The following NIM1K variants were observed in gnomAD, a reference collection of about 807,000 sequenced individuals.
NIM1K encodes the protein NIM1 serine/threonine protein kinase.
Under a neutral mutation model 37.1 loss-of-function variants are expected in NIM1K, and 35 were observed. The observed-to-expected ratio is 0.94, with a 90% CI of 0.72 to 1.25. The LOEUF is 1.25. Ranked by LOEUF, NIM1K falls within the 50% of genes most tolerant of loss-of-function variation. NIM1K has a pLI of 0.00. For synonymous variants in NIM1K, 234 were observed against 206.6 expected, an observed-to-expected ratio of 1.13 and a Z score of -1.14; for missense variants, 564 against 548.0, an observed-to-expected ratio of 1.03 and a Z score of -0.29.
intron 1 of NIM1K, among the ~76,000 whole-genome samples, chr5:43,222,536 C>T (rs1451611299): frequency 6.6e-6 from 1 of 151,948 alleles, no homozygotes; most frequent in Non-Finnish European, 1.5e-5. Context: ...AAAGTCAATA[C>T]TGGGCAACAC....
chr5:43,219,106 G>A (rs894796870), intron 1 of NIM1K, among the ~76,000 whole-genome samples: 2 of 152,082 alleles, frequency 1.3e-5, no homozygotes, highest in African/African-American at 4.8e-5. Context: ...GGACATGTTC[G>A]CTTCCCCTTC....
At chr5:43,210,884 C>T (rs1432111344) in intron 1 of NIM1K, among the ~76,000 whole-genome samples, 19 of 152,144 alleles carry the variant, frequency 1.2e-4, no homozygotes, top group Admixed American at 3.9e-4. Flanking sequence ...AGAATGGGGA[C>T]TTGGAGCTGG....
chr5:43,245,819 A>C lies in NIM1K; in HGVS notation c.44A>C (p.His15Pro). The C allele has an allele frequency of 6.2e-7, 1 of 1,612,652 alleles. No homozygotes were observed. Among genetic ancestry groups the C allele is most frequent in the East Asian group, 2.2e-5 (1 of 44,846 alleles). ...YMNGGGLVNPHYARWDRRDSV... is the reference protein window; with the variant it reads ...YMNGGGLVNPPYARWDRRDSV... ...AATGGAGGTGGCCTGGTGAACCCCC[A>C]CTATGCCCGGTGGGATCGGCGCGAC... The change falls in exon 2 of 4, where the codon CAC becomes CCC. Residue 15 changes from histidine (H) to proline (P), a missense_variant. Physicochemically the swap from His to Pro is moderately conservative, Grantham distance 77. Transcript: ENST00000326035.
chr5:43,214,025 G>C (rs1579959733), intron 1 of NIM1K, among the ~76,000 whole-genome samples: 1 of 130,298 alleles, frequency 7.7e-6, no homozygotes, highest in African/African-American at 2.9e-5. Context: ...GGCTGGTCTT[G>C]AACACCTGGC....
At chr5:43,213,222 T>TTTCTTTCTTTCC (rs1279499644) in intron 1 of NIM1K, among the ~76,000 whole-genome samples, 33 of 140,288 alleles carry the variant, frequency 2.4e-4, no homozygotes, top group African/African-American at 7.9e-4. Flanking sequence ...TCTTTCTTTC[T>TTTCTTTCTTTCC]TTCCTTCTTT....
At chr5:43,199,345 G>A (rs931235523) in intron 1 of NIM1K, among the ~76,000 whole-genome samples, 3 of 150,930 alleles carry the variant, frequency 2.0e-5, no homozygotes, top group Admixed American at 6.6e-5. Context: ...AGTTAGGTAC[G>A]CTTTGGCCTG....
intron 1 of NIM1K, among the ~76,000 whole-genome samples, chr5:43,224,354 T>A (rs1357250219): frequency 6.6e-6 from 1 of 151,522 alleles, no homozygotes; most frequent in Non-Finnish European, 1.5e-5. Context: ...GGCAGGAGAA[T>A]CGCTTGAACC....
intron 1 of NIM1K, among the ~76,000 whole-genome samples, chr5:43,217,057 A>G (rs1752310164): frequency 4.6e-5 from 7 of 152,230 alleles, no homozygotes; most frequent in Admixed American, 4.6e-4. Flanking sequence ...TTGTGCATAC[A>G]CCACTACTAT....
chr5:43,221,942 G>C (rs900625550), intron 1 of NIM1K, among the ~76,000 whole-genome samples: 2 of 152,344 alleles, frequency 1.3e-5, no homozygotes, highest in African/African-American at 2.4e-5. Flanking sequence ...ACAGTGCTTA[G>C]CATGTAGTAG....
chr5:43,233,312 T>TAA (rs548135228), intron 1 of NIM1K: 42,116 of 300,352 alleles, frequency 0.14, 7 homozygotes, highest in East Asian at 0.22. Context: ...GAGTGACACT[T>TAA]AAAAAAAAAA....
At chr5:43,236,261 T>C (rs910986864) in intron 1 of NIM1K, among the ~76,000 whole-genome samples, 2 of 151,676 alleles carry the variant, frequency 1.3e-5, no homozygotes, top group African/African-American at 2.4e-5. Context: ...TGAGATCCTG[T>C]GTCAAACAAA....
In NIM1K at chr5:43,245,565, G is replaced by A. The variant is rs1004594270; in HGVS notation, c.-211G>A. The A allele has an allele frequency of 2.1e-6, 1 of 480,290 alleles. No individual in the cohort carries two copies. The highest frequency in any genetic ancestry group is 4.3e-5 in the South Asian group (1 of 23,482). The allele number at this position is 480,290 out of a possible 1,614,324, so 29.8% of individuals were successfully genotyped here. ...GTGGGAAATGTCTTGAGTGAGGCGA[G>A]CAGCTCCTGGCTGGGCTGGGCAGAC... On this transcript the variant is annotated 5_prime_UTR_variant, in exon 2 of 4. Transcript: ENST00000326035.
intron 2 of NIM1K, among the ~76,000 whole-genome samples, chr5:43,252,298 A>G (rs1315165924): frequency 6.6e-6 from 1 of 152,118 alleles, no homozygotes; most frequent in African/African-American, 2.4e-5. Context: ...GGCCTCACTG[A>G]CATGCCCTCC....
intron 2 of NIM1K, among the ~76,000 whole-genome samples, chr5:43,275,675 A>G (rs1211106279): frequency 6.6e-6 from 1 of 152,112 alleles, no homozygotes; most frequent in Admixed American, 6.5e-5. Flanking sequence ...AGAGGGAGAT[A>G]AACAAGGGAG....
chr5:43,223,876 G>A (rs1752415719), intron 1 of NIM1K, among the ~76,000 whole-genome samples: 1 of 152,128 alleles, frequency 6.6e-6, no homozygotes, highest in African/African-American at 2.4e-5. Flanking sequence ...GGCATCAAAG[G>A]TGATGTTTCT....
At chr5:43,236,615 A>G (rs894180084) in intron 1 of NIM1K, among the ~76,000 whole-genome samples, 2 of 152,248 alleles carry the variant, frequency 1.3e-5, no homozygotes, top group African/African-American at 2.4e-5. Context: ...CGCCAGGCAT[A>G]GGCACTGCAC....
At chr5:43,271,534 T>C (rs753697019) in intron 2 of NIM1K, among the ~76,000 whole-genome samples, 6 of 152,234 alleles carry the variant, frequency 3.9e-5, no homozygotes, top group African/African-American at 9.6e-5. Context: ...TGTTTTATTA[T>C]GCACATGCAG....
intron 2 of NIM1K, among the ~76,000 whole-genome samples, chr5:43,264,458 G>A (rs1426638785): frequency 1.3e-5 from 2 of 152,030 alleles, no homozygotes; most frequent in Non-Finnish European, 2.9e-5. Flanking sequence ...GCCTTTTTCT[G>A]TTTTCCATTT....
intron 1 of NIM1K, among the ~76,000 whole-genome samples, chr5:43,198,850 G>T (rs917544969): frequency 5.3e-5 from 8 of 152,094 alleles, no homozygotes; most frequent in African/African-American, 1.9e-4. Context: ...GAAAAATGAG[G>T]ATAATAGCAG....
Sources: allele counts gnomAD v4.1 joint callset (sites outside exome capture counted in the v4.1 genomes callset), GRCh38; gene constraint gnomAD v4.1.1; transcripts MANE v1.5; gene names NCBI Gene and HGNC (gene_info 2026-07-23, HGNC 2026-07-21).